Variants in BNC2 observed in about 807,000 individuals in gnomAD.
The protein encoded by BNC2 is zinc finger protein basonuclin-2.
A neutral mutation model predicts 76.3 loss-of-function variants in BNC2; 20 were observed. The ratio of observed to expected loss-of-function variants is 0.26; its 90% CI spans 0.18 to 0.38. BNC2 has a LOEUF of 0.38. Ranked by LOEUF, BNC2 falls within the 10% of genes least tolerant of loss-of-function variation. BNC2 has a pLI of 1.00. For synonymous variants in BNC2, 582 were observed against 514.8 expected, an observed-to-expected ratio of 1.13 and a Z score of -1.77; for missense variants, 1,382 against 1,399.8, an observed-to-expected ratio of 0.99 and a Z score of 0.20.
chr9:16,733,563 A>G (rs2135062946), intron 2 of BNC2, among the ~76,000 whole-genome samples: 1 of 152,262 alleles, frequency 6.6e-6, no homozygotes, highest in Middle Eastern at 3.4e-3. Context: ...AAAAAAAAAG[A>G]AAACTACACA....
chr9:16,521,923 G>C (rs547622157), intron 5 of BNC2, among the ~76,000 whole-genome samples: 1 of 152,218 alleles, frequency 6.6e-6, no homozygotes, highest in African/African-American at 2.4e-5. Flanking sequence ...AAATTAAAAA[G>C]CTCCCTTCCT....
chr9:16,584,236 C>A (rs1326830106), intron 3 of BNC2, among the ~76,000 whole-genome samples: 1 of 152,094 alleles, frequency 6.6e-6, no homozygotes, highest in Non-Finnish European at 1.5e-5. Context: ...CAGCTCTGTG[C>A]CTGAAAGCCA....
intron 3 of BNC2, among the ~76,000 whole-genome samples, chr9:16,656,496 C>T (rs1206383661): frequency 6.6e-5 from 10 of 152,106 alleles, no homozygotes; most frequent in African/African-American, 2.4e-4. Flanking sequence ...GGCTCCCTCA[C>T]CTCAAGATTT....
intron 1 of BNC2, among the ~76,000 whole-genome samples, chr9:16,812,441 C>G (rs373970400): frequency 6.6e-6 from 1 of 152,214 alleles, no homozygotes; most frequent in Admixed American, 6.5e-5. Flanking sequence ...CAGCTCCAAA[C>G]CCATCTGTTC....
intron 1 of BNC2, among the ~76,000 whole-genome samples, chr9:16,833,011 C>T (rs1818618108): frequency 6.6e-6 from 1 of 151,944 alleles, no homozygotes; most frequent in Non-Finnish European, 1.5e-5. Flanking sequence ...GGTGTAAGCC[C>T]CCCCGCCCTA....
intron 6 of BNC2, among the ~76,000 whole-genome samples, chr9:16,433,128 T>A (rs1820938893): frequency 6.6e-6 from 1 of 152,138 alleles, no homozygotes; most frequent in Non-Finnish European, 1.5e-5. Flanking sequence ...CTCATAACAT[T>A]ATATTAATTC....
At chr9:16,728,639 TCGTATGTGCTGGG>T (rs1824420278) in intron 2 of BNC2, among the ~76,000 whole-genome samples, 1 of 151,736 alleles carries the variant, frequency 6.6e-6, no homozygotes, top group Non-Finnish European at 1.5e-5. Context: ...GAAAGTCATC[TCGTATGTGCTGGG>T]CTATTTATAA....
At position 16,438,926 on chromosome 9, in the gene BNC2, T is replaced by C. The variant is rs140283034; in HGVS notation, c.670-1402A>G. ...TGGCTGTGTCCCCACCCAAATCTCA[T>C]CTTGAATTGTAGCTCCCATAATCCC... is the stretch of plus-strand genomic sequence containing the variant. On this transcript the variant is annotated intron_variant, in intron 5 of 6. Transcript: ENST00000380672. Among the ~76,000 whole-genome samples the C allele has an allele frequency of 1.0e-3, 154 of 152,186 alleles. 5 individuals are homozygous for C. The East Asian group carries it at 0.028, about 27-fold the overall frequency.
intron 5 of BNC2, among the ~76,000 whole-genome samples, chr9:16,551,137 A>C (rs934211711): frequency 2.6e-5 from 4 of 152,202 alleles, no homozygotes; most frequent in African/African-American, 9.7e-5. Context: ...CATTCTGTAT[A>C]AACTGAAAAC....
intron 3 of BNC2, among the ~76,000 whole-genome samples, chr9:16,605,657 G>A (rs1325883513): frequency 6.6e-6 from 1 of 151,674 alleles, no homozygotes; most frequent in Non-Finnish European, 1.5e-5. Context: ...GACAACTTCA[G>A]AAAATATGAA....
At chr9:16,635,175 T>C (rs931609341) in intron 3 of BNC2, among the ~76,000 whole-genome samples, 1 of 152,208 alleles carries the variant, frequency 6.6e-6, no homozygotes, top group Non-Finnish European at 1.5e-5. Context: ...GCTTTTAAAT[T>C]TTCTCACTGT....
chr9:16,754,853 C>T (rs1307296016), intron 1 of BNC2, among the ~76,000 whole-genome samples: 2 of 152,190 alleles, frequency 1.3e-5, no homozygotes, highest in East Asian at 1.9e-4. Context: ...CCACCGCGCC[C>T]GGCCCCAGCC....
At chr9:16,599,401 AC>A (rs1820182553) in intron 3 of BNC2, among the ~76,000 whole-genome samples, 1 of 152,224 alleles carries the variant, frequency 6.6e-6, no homozygotes, top group African/African-American at 2.4e-5. Flanking sequence ...AAGCCTAGGT[AC>A]AAAAACGTGT....
intron 5 of BNC2, among the ~76,000 whole-genome samples, chr9:16,516,907 T>G (rs181698169): frequency 6.6e-6 from 1 of 152,324 alleles, no homozygotes; most frequent in African/African-American, 2.4e-5. Flanking sequence ...TTTCTTTGAT[T>G]GTGAGCAAAA....
chr9:16,462,404 CT>C (rs1821602389), intron 5 of BNC2, among the ~76,000 whole-genome samples: 1 of 152,166 alleles, frequency 6.6e-6, no homozygotes. Flanking sequence ...TCTCTACCTT[CT>C]CCAAAGCTTG....
Position 16,688,977 on chromosome 9 carries a change from T to C in BNC2, c.330+38820A>G, listed in dbSNP as rs115247238. The stretch of plus-strand genomic sequence containing the variant: ...CAGCAGAAACAAAAGATATGACAAG[T>C]ATAAAGGCCTCTCTCTCTCCCCTCA... On this transcript the variant is annotated intron_variant, in intron 3 of 6. Coordinates refer to ENST00000380672, the MANE Select transcript of BNC2 (RefSeq NM_017637.6). Among the ~76,000 whole-genome samples, 1,447 of 151,976 alleles carry C rather than the reference T, an allele frequency of 9.5e-3. 16 individuals carry two copies. Among genetic ancestry groups the C allele is most frequent in the African/African-American group, 0.033 (1,352 of 41,434 alleles).
chr9:16,804,802 G>A (rs572602511), intron 1 of BNC2, among the ~76,000 whole-genome samples: 30 of 152,094 alleles, frequency 2.0e-4, no homozygotes, highest in Non-Finnish European at 3.4e-4. Flanking sequence ...AGTGGCTCAC[G>A]CCTGTAATCC....
chr9:16,607,371 G>C (rs1820415901), intron 3 of BNC2, among the ~76,000 whole-genome samples: 1 of 152,142 alleles, frequency 6.6e-6, no homozygotes, highest in Admixed American at 6.5e-5. Flanking sequence ...GTGGTCTTAT[G>C]AAGTGGCATT....
intron 3 of BNC2, among the ~76,000 whole-genome samples, chr9:16,671,014 G>C (rs1157323924): frequency 6.6e-6 from 1 of 152,090 alleles, no homozygotes; most frequent in Non-Finnish European, 1.5e-5. Context: ...AAAAAGTGTG[G>C]GAAGTTCATG....
Sources: allele counts gnomAD v4.1 joint callset (sites outside exome capture counted in the v4.1 genomes callset), GRCh38; gene constraint gnomAD v4.1.1; transcripts MANE v1.5; gene names NCBI Gene and HGNC (gene_info 2026-07-23, HGNC 2026-07-21).